The following ZBTB46 variants were observed in gnomAD, a reference collection of about 807,000 sequenced individuals.
The protein encoded by ZBTB46 is zinc finger and BTB domain containing 46, also known as zinc finger and BTB domain-containing protein 46.
In ZBTB46, 8 loss-of-function variants were observed where a neutral mutation model predicts 44.1. The observed-to-expected ratio is 0.18, with a 90% CI of 0.11 to 0.33. The LOEUF is 0.33. Among genes scored for constraint, ZBTB46 ranks in the 10% least tolerant of loss-of-function variants. The pLI is 1.00. For synonymous variants in ZBTB46, 409 were observed against 382.3 expected (o/e 1.07, Z -0.81); for missense variants, 651 against 847.7 (o/e 0.77, Z 2.88).
intron 3 of ZBTB46, among the ~76,000 whole-genome samples, chr20:63,771,834 G>A (rs2092377118): frequency 6.6e-6 from 1 of 152,192 alleles, no homozygotes; most frequent in Non-Finnish European, 1.5e-5. Flanking sequence ...GAAACAGGCA[G>A]GGGCCACACA....
intron 1 of ZBTB46, among the ~76,000 whole-genome samples, chr20:63,823,271 G>A (rs75717474): frequency 0.031 from 4,777 of 152,122 alleles, 247 homozygotes; most frequent in African/African-American, 0.11. Context: ...GCAGATGGGG[G>A]TGCACTCGCG....
intron 1 of ZBTB46, among the ~76,000 whole-genome samples, chr20:63,815,883 G>GGGCA (rs2092750800): frequency 7.5e-6 from 1 of 133,488 alleles, no homozygotes; most frequent in South Asian, 2.4e-4. Context: ...TCCAGTGGGT[G>GGGCA]CAGGTGCAGT....
chr20:63,806,591 C>T (rs979430187), intron 1 of ZBTB46, among the ~76,000 whole-genome samples: 1 of 152,044 alleles, frequency 6.6e-6, no homozygotes, highest in Non-Finnish European at 1.5e-5. Flanking sequence ...CAACACTATG[C>T]TCTCAAGGAA....
chr20:63,831,691 C>T (rs1411674809), upstream of ZBTB46, among the ~76,000 whole-genome samples: 2 of 150,734 alleles, frequency 1.3e-5, no homozygotes, highest in South Asian at 4.2e-4. Flanking sequence ...GCGACCCCGG[C>T]GAGGGCACCC....
At chr20:63,821,382 G>A (rs2092791448) in intron 1 of ZBTB46, among the ~76,000 whole-genome samples, 1 of 151,030 alleles carries the variant, frequency 6.6e-6, no homozygotes, top group South Asian at 2.1e-4. Flanking sequence ...TAAACTCCTG[G>A]GCTCAAACGC....
Position 63,790,369 on chromosome 20 carries a change from T to C in ZBTB46, c.389A>G (p.Asp130Gly), listed in dbSNP as rs1452161065. Residue 130 changes from aspartate to glycine, a missense_variant, in exon 2 of 5, where the codon GAC becomes GGC. Asp to Gly is a moderately conservative substitution (Grantham distance 94). Transcript: ENST00000245663. Reference sequence around the variant, plus strand: ...TGAGGCGTCCGACTTGATGCTGATGTCCAGCGCCGCCTTGATGAAGTCGTG... The same window carrying C: ...TGAGGCGTCCGACTTGATGCTGATGCCCAGCGCCGCCTTGATGAAGTCGTG... ...ACHDFIKAAL[D>G]ISIKSDASDE... The C allele has an allele frequency of 6.2e-7, 1 of 1,613,192 alleles. No individual in the cohort carries two copies. The highest frequency in any genetic ancestry group is 1.1e-5 in the South Asian group (1 of 91,078).
At chr20:63,771,367 C>T (rs1462260840) in intron 3 of ZBTB46, among the ~76,000 whole-genome samples, 1 of 152,136 alleles carries the variant, frequency 6.6e-6, no homozygotes, top group Non-Finnish European at 1.5e-5. Flanking sequence ...CACGGCTCTG[C>T]GTCCATGACC....
chr20:63,757,077 T>G (rs1207677935), intron 3 of ZBTB46, among the ~76,000 whole-genome samples: 1 of 152,200 alleles, frequency 6.6e-6, no homozygotes, highest in Non-Finnish European at 1.5e-5. Context: ...GATTTATGAT[T>G]CCTCTCAAAG....
rs531256958 is a variant in ZBTB46, at chr20:63,785,734, C to T, written c.937+4087G>A. ...CCAGCCTGAGGGCTCAGACGGAGGACGCAGCTCAGGGAGTCACTGGCCGCC... is the reference window on the plus strand; with the variant it reads ...CCAGCCTGAGGGCTCAGACGGAGGATGCAGCTCAGGGAGTCACTGGCCGCC... On this transcript the variant is annotated intron_variant, in intron 2 of 4. Transcript: ENST00000245663. 7.9e-5 allele frequency among the ~76,000 whole-genome samples: 12 copies of T among 152,292 alleles called. No homozygotes were observed. In the South Asian group the frequency reaches 1.2e-3, roughly 16 times the overall value.
chr20:63,771,335 C>T (rs1228532031), intron 3 of ZBTB46, among the ~76,000 whole-genome samples: 1 of 152,190 alleles, frequency 6.6e-6, no homozygotes, highest in South Asian at 2.1e-4. Flanking sequence ...CACAGTCACC[C>T]CCACATTCAG....
At position 63,775,860 on chromosome 20, in the gene ZBTB46, C is replaced by A. The variant is rs143804321; in HGVS notation, c.1040G>T (p.Ser347Ile). 1 of 1,613,282 alleles carries A rather than the reference C, an allele frequency of 6.2e-7. No individual in the cohort carries two copies. Among genetic ancestry groups the A allele is most frequent in the East Asian group, 2.2e-5 (1 of 44,884 alleles). Reference protein sequence around the residue: ...VEEGLLGGEASYLGPPLTPEK... With the variant: ...VEEGLLGGEAIYLGPPLTPEK... The stretch of plus-strand genomic sequence containing the variant: ...TGGGGTGAGGGGAGGGCCCAGATAG[C>A]TGGCTTCTCCTCCCAGGAGACCCTC... Residue 347 changes from serine (S) to isoleucine (I), a missense_variant, in exon 3 of 5, where the codon AGC becomes ATC. Physicochemically the swap from Ser to Ile is moderately radical, Grantham distance 142 (BLOSUM62 -2). Transcript: ENST00000245663.
chr20:63,833,248 A>G (rs1020760178), upstream of ZBTB46, among the ~76,000 whole-genome samples: 3 of 151,954 alleles, frequency 2.0e-5, no homozygotes, highest in Non-Finnish European at 4.4e-5. Flanking sequence ...TGATCTCACC[A>G]CGACCCAGGC....
chr20:63,776,404 G>A (rs1328839965), intron 2 of ZBTB46, among the ~76,000 whole-genome samples: 3 of 152,320 alleles, frequency 2.0e-5, no homozygotes, highest in East Asian at 1.9e-4. Flanking sequence ...AAGAAAATCC[G>A]CATGATCTCA....
At chr20:63,751,101 A>G (rs541346019) in intron 4 of ZBTB46, among the ~76,000 whole-genome samples, 1 of 152,262 alleles carries the variant, frequency 6.6e-6, no homozygotes, top group East Asian at 1.9e-4. Context: ...TGAATAGGAA[A>G]CATGTCGGCC....
intron 1 of ZBTB46, among the ~76,000 whole-genome samples, chr20:63,799,646 C>G (rs574203849): frequency 1.3e-5 from 2 of 152,356 alleles, no homozygotes; most frequent in East Asian, 1.9e-4. Flanking sequence ...CCACGTGTAG[C>G]CTGGTGAAAC....
chr20:63,811,591 C>T (rs542539237), intron 1 of ZBTB46, among the ~76,000 whole-genome samples: 3 of 152,226 alleles, frequency 2.0e-5, no homozygotes, highest in African/African-American at 4.8e-5. Flanking sequence ...CCATAGGTGA[C>T]GCAGACAACT....
At chr20:63,807,193 T>C (rs2092687122) in intron 1 of ZBTB46, among the ~76,000 whole-genome samples, 1 of 152,190 alleles carries the variant, frequency 6.6e-6, no homozygotes, top group South Asian at 2.1e-4. Flanking sequence ...TTGTTGGAAG[T>C]TTATTGACTA....
chr20:63,769,271 C>G (rs114936455), intron 3 of ZBTB46: 124 of 985,270 alleles, frequency 1.3e-4, no homozygotes, highest in Non-Finnish European at 1.5e-4. Flanking sequence ...GAGGCTGTGC[C>G]GGCTCCCTGG....
At chr20:63,756,055 C>T (rs2092217795) in intron 3 of ZBTB46, among the ~76,000 whole-genome samples, 1 of 152,202 alleles carries the variant, frequency 6.6e-6, no homozygotes, top group Admixed American at 6.5e-5. Context: ...GAAAACACTG[C>T]AGTCATTCGT....
Sources: gnomAD v4.1 joint callset for allele counts (sites outside exome capture counted in the v4.1 genomes callset) on GRCh38, gnomAD v4.1.1 for gene constraint, MANE v1.5 for transcripts, NCBI Gene and HGNC (gene_info 2026-07-23, HGNC 2026-07-21) for gene names.